ZNF407: variants seen among roughly 807,000 people sequenced by gnomAD.
The protein encoded by ZNF407 is zinc finger protein 407.
In ZNF407, 17 loss-of-function variants were observed where a neutral mutation model predicts 131.2. That is an observed-to-expected ratio of 0.13 (90% CI 0.09 to 0.19). The LOEUF (loss-of-function observed/expected upper bound fraction) is 0.19, where lower values mean the gene tolerates loss of function less well. Among genes scored for constraint, ZNF407 ranks in the 10% least tolerant of loss-of-function variants. The pLI is 1.00. For synonymous variants in ZNF407, 1,156 were observed against 1,062.0 expected, an observed-to-expected ratio of 1.09 and a Z score of -1.72; for missense variants, 2,681 against 2,830.6, an observed-to-expected ratio of 0.95 and a Z score of 1.20.
At chr18:74,681,718 T>C (rs917917259) in intron 3 of ZNF407, among the ~76,000 whole-genome samples, 1 of 152,206 alleles carries the variant, frequency 6.6e-6, no homozygotes, top group African/African-American at 2.4e-5. Context: ...TAAATAGAAT[T>C]TTTCATATTT....
At chr18:74,651,229 C>T (rs1052491597) in intron 3 of ZNF407, among the ~76,000 whole-genome samples, 2 of 151,928 alleles carry the variant, frequency 1.3e-5, no homozygotes, top group African/African-American at 2.4e-5. Flanking sequence ...TTATGAAGAG[C>T]GATGGAATTT....
chr18:74,877,387 C>G, intron 5 of ZNF407, 24 bp downstream of exon 5: 1 of 1,607,452 alleles, frequency 6.2e-7, no homozygotes, highest in South Asian at 1.1e-5. Flanking sequence ...CCTTCCTATC[C>G]CAGGAGGCTG....
At chr18:74,948,065 G>C (rs993197878) in intron 8 of ZNF407, among the ~76,000 whole-genome samples, 1 of 152,212 alleles carries the variant, frequency 6.6e-6, no homozygotes, top group Non-Finnish European at 1.5e-5. Context: ...GGAGCCTGTG[G>C]AAAGTAGGAG....
intron 3 of ZNF407, among the ~76,000 whole-genome samples, chr18:74,713,393 C>T: frequency 8.6e-6 from 1 of 116,744 alleles, no homozygotes; most frequent in African/African-American, 3.3e-5. Flanking sequence ...ACATATCTTG[C>T]AGTGACAGTA....
chr18:75,054,962 G>A (rs1171701264), intron 8 of ZNF407, among the ~76,000 whole-genome samples: 4 of 152,132 alleles, frequency 2.6e-5, no homozygotes, highest in South Asian at 2.1e-4. Context: ...CACACGTGTC[G>A]GCACACAGGA....
intron 1 of ZNF407, among the ~76,000 whole-genome samples, chr18:74,615,176 G>C (rs8091391): frequency 0.015 from 2,248 of 152,340 alleles, 22 homozygotes; most frequent in Non-Finnish European, 0.02. Context: ...AATGTTTGCT[G>C]ACCAGGAATA....
chr18:74,683,810 T>C (rs965373884), intron 3 of ZNF407, among the ~76,000 whole-genome samples: 7 of 152,246 alleles, frequency 4.6e-5, no homozygotes, highest in Non-Finnish European at 8.8e-5. Context: ...AATTATTTCA[T>C]CATGTTGAAA....
At chr18:74,616,192 C>G (rs1251070463) in intron 1 of ZNF407, among the ~76,000 whole-genome samples, 10 of 152,206 alleles carry the variant, frequency 6.6e-5, no homozygotes, top group African/African-American at 2.4e-4. Flanking sequence ...CTGTTTGTAT[C>G]TGTCACCCAG....
chr18:74,788,098 G>T (rs1157571036), intron 4 of ZNF407, among the ~76,000 whole-genome samples: 2 of 152,134 alleles, frequency 1.3e-5, no homozygotes, highest in Non-Finnish European at 2.9e-5. Context: ...TCCATCTCTA[G>T]TCAGCAGGAT....
rs528267733 is a variant in ZNF407 at position 74,811,211 on chromosome 18, G to A, written c.4877+29709G>A. On this transcript the variant is annotated intron_variant, in intron 4 of 8. Transcript: ENST00000299687. ...CAAACAACCCCATCAAAAAGTGGGCGAAGGACATAAGCAGACACTTCTCAA... is the reference window on the plus strand; with the variant it reads ...CAAACAACCCCATCAAAAAGTGGGCAAAGGACATAAGCAGACACTTCTCAA... 4.1e-3 allele frequency among the ~76,000 whole-genome samples: 621 copies of A among 152,240 alleles called. 3 individuals are homozygous for A. Among genetic ancestry groups the A allele is most frequent in the African/African-American group, 0.014 (589 of 41,538 alleles).
intron 3 of ZNF407, among the ~76,000 whole-genome samples, chr18:74,762,130 G>C (rs896591629): frequency 6.6e-6 from 1 of 151,868 alleles, no homozygotes; most frequent in African/African-American, 2.4e-5. Context: ...CTGCTTGCAA[G>C]ATATTTACTG....
chr18:74,985,355 G>A (rs1375325024), intron 8 of ZNF407, among the ~76,000 whole-genome samples: 1 of 152,188 alleles, frequency 6.6e-6, no homozygotes. Flanking sequence ...TAGAGTTACA[G>A]TGTTTCCTAT....
intron 3 of ZNF407, among the ~76,000 whole-genome samples, chr18:74,677,735 A>C (rs890353162): frequency 2.0e-5 from 3 of 152,140 alleles, no homozygotes; most frequent in African/African-American, 7.2e-5. Context: ...TGTTTTTGAT[A>C]GTTCCAATAT....
chr18:74,912,492 C>T lies in ZNF407; in HGVS notation c.5250-8022C>T, dbSNP rs562648158. On this transcript the variant is annotated intron_variant, in intron 7 of 8. Transcript: ENST00000299687. ...AATAGAATAGAAAGTCCAGAATTCA[C>T]CTTACATAATTAAAATACTGACAAA... 2.6e-5 allele frequency among the ~76,000 whole-genome samples: 4 copies of T among 152,206 alleles called. 1 individual carries two copies. The highest frequency in any genetic ancestry group is 9.6e-5 in the African/African-American group (4 of 41,526).
intron 3 of ZNF407, among the ~76,000 whole-genome samples, chr18:74,657,428 G>C (rs145476224): frequency 6.6e-6 from 1 of 152,160 alleles, no homozygotes; most frequent in East Asian, 1.9e-4. Context: ...TCCAGAAAAT[G>C]CATTATTGTG....
intron 4 of ZNF407, among the ~76,000 whole-genome samples, chr18:74,829,405 A>G (rs74330002): frequency 0.016 from 2,409 of 152,322 alleles, 27 homozygotes; most frequent in Non-Finnish European, 0.023. Context: ...TCATAGTTCA[A>G]TGAATCCATC....
chr18:74,779,217 G>A (rs1236901565), intron 3 of ZNF407, among the ~76,000 whole-genome samples: 4 of 146,772 alleles, frequency 2.7e-5, no homozygotes, highest in Admixed American at 6.9e-5. Flanking sequence ...CCGGGTTCAC[G>A]CCATTCTCCT....
At chr18:74,923,772 A>G (rs935512329) in intron 8 of ZNF407, among the ~76,000 whole-genome samples, 2 of 152,210 alleles carry the variant, frequency 1.3e-5, no homozygotes, top group Non-Finnish European at 2.9e-5. Flanking sequence ...ATCTCTTGCC[A>G]TAATTCTGCA....
Position 74,755,582 on chromosome 18 carries a change from G to GTTTTTTTTTTTTTTT in ZNF407, c.4803-25838_4803-25824dup, listed in dbSNP as rs541126314. Among the ~76,000 whole-genome samples the GTTTTTTTTTTTTTTT allele has an allele frequency of 9.3e-4, 81 of 87,306 alleles. 1 individual carries two copies. Among genetic ancestry groups the GTTTTTTTTTTTTTTT allele is most frequent in the African/African-American group, 4.3e-3 (76 of 17,574 alleles). 57.3% of individuals were successfully genotyped at this position (87,306 alleles called of 152,430 possible). ...TTCCTTCCTTCCTTCCTCCTTTCTGGTTTTTTTTTTTTTTTTTTTTTTCTG... is the reference window on the plus strand; with the variant it reads ...TTCCTTCCTTCCTTCCTCCTTTCTGGTTTTTTTTTTTTTTTTTTTTTTTTTTTTTTTTTTTTTCTG... On this transcript the variant is annotated intron_variant, in intron 3 of 8. Transcript: ENST00000299687.
Sources: gnomAD v4.1 joint callset for allele counts (sites outside exome capture counted in the v4.1 genomes callset) on GRCh38, gnomAD v4.1.1 for gene constraint, MANE v1.5 for transcripts, NCBI Gene and HGNC (gene_info 2026-07-23, HGNC 2026-07-21) for gene names.